Variants in CAMKMT observed in about 807,000 individuals in gnomAD.
CAMKMT encodes the protein calmodulin-lysine N-methyltransferase.
A neutral mutation model predicts 48.0 loss-of-function variants in CAMKMT; 53 were observed. The ratio of observed to expected loss-of-function variants is 1.10; its 90% CI spans 0.89 to 1.39. The LOEUF is 1.39. Among genes scored for constraint, CAMKMT ranks in the 40% most tolerant of loss-of-function variants. The probability of loss-of-function intolerance (pLI) is 0.00; values close to 1 mark genes in which losing one functional copy is unlikely to be tolerated. For missense variants in CAMKMT, 428 were observed against 402.7 expected, an observed-to-expected ratio of 1.06 and a Z score of -0.54; for synonymous variants, 165 against 152.3, an observed-to-expected ratio of 1.08 and a Z score of -0.61.
chr2:44,459,004 A>G (rs1472332789), intron 3 of CAMKMT, among the ~76,000 whole-genome samples: 2 of 152,186 alleles, frequency 1.3e-5, no homozygotes, highest in African/African-American at 4.8e-5. Flanking sequence ...ACAGATAAAC[A>G]AATTCAACAT....
intron 3 of CAMKMT, among the ~76,000 whole-genome samples, chr2:44,538,717 A>G (rs56202458): frequency 0.45 from 68,367 of 151,758 alleles, 17,625 homozygotes; most frequent in Non-Finnish European, 0.59. Context: ...AGAGTTCACC[A>G]CTGTGGAATT....
At chr2:44,436,344 C>T (rs982990006) in intron 3 of CAMKMT, among the ~76,000 whole-genome samples, 17 of 152,116 alleles carry the variant, frequency 1.1e-4, no homozygotes, top group African/African-American at 4.1e-4. Flanking sequence ...TCCCAAAGTG[C>T]TGGGATTATA....
rs141199090 is a variant in CAMKMT at position 44,508,929 on chromosome 2, C to G, written c.376+118624C>G. 6.4e-3 allele frequency among the ~76,000 whole-genome samples: 975 copies of G among 151,962 alleles called. 12 individuals carry two copies. Among genetic ancestry groups the G allele is most frequent in the African/African-American group, 0.022 (919 of 41,454 alleles). ...TGACCAATATGGTGAAACCCTGTCTCTACTAAAAATACAAAAATTAGCCGG... is the reference window on the plus strand; with the variant it reads ...TGACCAATATGGTGAAACCCTGTCTGTACTAAAAATACAAAAATTAGCCGG... On this transcript the variant is annotated intron_variant, in intron 3 of 10. Transcript: ENST00000378494.
Position 44,544,284 on chromosome 2 carries a change from C to G in CAMKMT, c.376+153979C>G, listed in dbSNP as rs189227925. ...ATGCCAAGGGTTATTTATTTTGTCA[C>G]TGGTTCAGAAATGCCTGTTTATACA... is the stretch of plus-strand genomic sequence containing the variant. On this transcript the variant is annotated intron_variant, in intron 3 of 10. Transcript: ENST00000378494. Among the ~76,000 whole-genome samples the G allele has an allele frequency of 4.0e-3, 611 of 152,264 alleles. 2 individuals carry two copies. The highest frequency in any genetic ancestry group is 0.02 in the Middle Eastern group (6 of 294).
At chr2:44,593,341 A>C (rs1202169483) in intron 3 of CAMKMT, among the ~76,000 whole-genome samples, 1 of 152,160 alleles carries the variant, frequency 6.6e-6, no homozygotes, top group Non-Finnish European at 1.5e-5. Context: ...TCTCAGATAC[A>C]TGTGCTTATC....
chr2:44,754,496 A>G (rs1050884881), intron 9 of CAMKMT, among the ~76,000 whole-genome samples: 2 of 152,154 alleles, frequency 1.3e-5, no homozygotes, highest in African/African-American at 4.8e-5. Flanking sequence ...TTCAATGGCA[A>G]CCTTTCTCAT....
At position 44,542,875 on chromosome 2, in the gene CAMKMT, T is replaced by C. The variant is rs76517432; in HGVS notation, c.376+152570T>C. On this transcript the variant is annotated intron_variant, in intron 3 of 10. Coordinates refer to ENST00000378494, the MANE Select transcript of CAMKMT (RefSeq NM_024766.5). ...GGGAGATAAAACTGGAAACCTAGACTAATTTAGGTCAGATGGCGGGAGATC... is the reference window on the plus strand; with the variant it reads ...GGGAGATAAAACTGGAAACCTAGACCAATTTAGGTCAGATGGCGGGAGATC... 4.7e-3 allele frequency among the ~76,000 whole-genome samples: 722 copies of C among 152,288 alleles called. 3 individuals are homozygous for C. The highest frequency in any genetic ancestry group is 8.2e-3 in the Non-Finnish European group (556 of 68,020).
chr2:44,619,495 A>G (rs895932105), intron 3 of CAMKMT, among the ~76,000 whole-genome samples: 1 of 152,162 alleles, frequency 6.6e-6, no homozygotes, highest in South Asian at 2.1e-4. Context: ...CTGCAAACAC[A>G]TATGTGTGTG....
intron 3 of CAMKMT, among the ~76,000 whole-genome samples, chr2:44,655,309 T>A (rs771225548): frequency 4.6e-5 from 7 of 152,228 alleles, no homozygotes; most frequent in Admixed American, 1.3e-4. Flanking sequence ...AACATTTAAA[T>A]GCTTTAAATG....
intron 3 of CAMKMT, among the ~76,000 whole-genome samples, chr2:44,670,643 T>G (rs924639190): frequency 6.6e-6 from 1 of 152,046 alleles, no homozygotes; most frequent in African/African-American, 2.4e-5. Context: ...AGCCTGGGTG[T>G]CAGTGAGACC....
chr2:44,539,548 A>G (rs72881140), intron 3 of CAMKMT, among the ~76,000 whole-genome samples: 1,775 of 152,186 alleles, frequency 0.012, 23 homozygotes, highest in African/African-American at 0.035. Context: ...GATTTCATCA[A>G]TTGCCTCAAT....
chr2:44,665,527 G>GC lies in CAMKMT; in HGVS notation c.377-38753dup, dbSNP rs1674917962. ...TTTGATTTTAATTTAGGAAATCATT[G>GC]CCCTTGAACCAGGCAATGATAGCTG... On this transcript the variant is annotated intron_variant, in intron 3 of 10. Transcript: ENST00000378494. 2.6e-5 allele frequency among the ~76,000 whole-genome samples: 4 copies of GC among 152,262 alleles called. No individual in the cohort carries two copies. The South Asian group carries it at 8.3e-4, about 32-fold the overall frequency.
At chr2:44,436,543 A>G (rs1190448255) in intron 3 of CAMKMT, among the ~76,000 whole-genome samples, 1 of 151,940 alleles carries the variant, frequency 6.6e-6, no homozygotes, top group East Asian at 1.9e-4. Context: ...AGGACCACAC[A>G]GGGTTTTTGT....
chr2:44,424,000 T>A (rs2104517622), intron 3 of CAMKMT, among the ~76,000 whole-genome samples: 1 of 152,308 alleles, frequency 6.6e-6, no homozygotes, highest in East Asian at 1.9e-4. Flanking sequence ...TATGTAGCTG[T>A]TTTTGTTTTT....
At chr2:44,720,049 C>T (rs1434185484) in intron 7 of CAMKMT, among the ~76,000 whole-genome samples, 5 of 152,170 alleles carry the variant, frequency 3.3e-5, no homozygotes, top group African/African-American at 4.8e-5. Context: ...ACTAACATAA[C>T]ACTGTTGATT....
At chr2:44,415,736 C>T (rs1178199016) in intron 3 of CAMKMT, among the ~76,000 whole-genome samples, 3 of 152,080 alleles carry the variant, frequency 2.0e-5, no homozygotes, top group East Asian at 1.9e-4. Context: ...CAAGTGGCTG[C>T]CATAGAATGG....
chr2:44,759,237 C>T (rs1680509754), intron 9 of CAMKMT, among the ~76,000 whole-genome samples: 1 of 152,162 alleles, frequency 6.6e-6, no homozygotes, highest in African/African-American at 2.4e-5. Context: ...GATCCTCCTG[C>T]CTCAGCCTCT....
intron 3 of CAMKMT, among the ~76,000 whole-genome samples, chr2:44,446,375 C>T (rs1181961701): frequency 6.6e-6 from 1 of 152,110 alleles, no homozygotes; most frequent in Non-Finnish European, 1.5e-5. Context: ...GAAACACAGT[C>T]TCGCTGTGTC....
chr2:44,368,338 A>T (rs745669818), intron 1 of CAMKMT, among the ~76,000 whole-genome samples: 2 of 152,210 alleles, frequency 1.3e-5, no homozygotes, highest in African/African-American at 4.8e-5. Flanking sequence ...TAAACTACCA[A>T]TATTATTGAT....
Sources: gnomAD v4.1 joint callset for allele counts (sites outside exome capture counted in the v4.1 genomes callset) on GRCh38, gnomAD v4.1.1 for gene constraint, MANE v1.5 for transcripts, NCBI Gene and HGNC (gene_info 2026-07-23, HGNC 2026-07-21) for gene names.